Variants in ALK observed in about 807,000 individuals in gnomAD.
ALK encodes the protein ALK tyrosine kinase receptor.
Under a neutral mutation model 163.1 loss-of-function variants are expected in ALK, and 74 were observed. The observed-to-expected ratio is 0.45, with a 90% CI of 0.38 to 0.55. The LOEUF (loss-of-function observed/expected upper bound fraction) is 0.55. Ranked by LOEUF, ALK falls within the 20% of genes least tolerant of loss-of-function variation. ALK has a pLI of 0.00. For missense variants in ALK, 2,063 were observed against 2,105.3 expected, an observed-to-expected ratio of 0.98 and a Z score of 0.39; for synonymous variants, 960 against 843.2, an observed-to-expected ratio of 1.14 and a Z score of -2.40.
intron 4 of ALK, among the ~76,000 whole-genome samples, chr2:29,420,898 T>C (rs1425783337): frequency 6.6e-6 from 1 of 151,584 alleles, no homozygotes; most frequent in African/African-American, 2.4e-5. Flanking sequence ...ACCTTACTTT[T>C]GCTCGACATA....
chr2:29,196,663 A>C (rs1669030181), intron 28 of ALK, 107 bp downstream of exon 28: 1 of 856,478 alleles, frequency 1.2e-6, no homozygotes, highest in East Asian at 2.4e-5. Context: ...TTTTGATCAT[A>C]AATCTTGTAC....
intron 3 of ALK, among the ~76,000 whole-genome samples, chr2:29,653,886 A>G (rs1464417690): frequency 6.6e-6 from 1 of 151,992 alleles, no homozygotes; most frequent in African/African-American, 2.4e-5. Context: ...ACATGGCAAA[A>G]CCCTATCCCT....
intron 3 of ALK, among the ~76,000 whole-genome samples, chr2:29,631,630 A>T (rs1463508245): frequency 4.6e-5 from 7 of 152,244 alleles, no homozygotes; most frequent in East Asian, 1.9e-4. Flanking sequence ...CTGAAAAAAC[A>T]GTACCTGCCC....
chr2:29,531,338 C>T (rs1673112598), intron 4 of ALK, among the ~76,000 whole-genome samples: 2 of 152,080 alleles, frequency 1.3e-5, no homozygotes, highest in Admixed American at 1.3e-4. Context: ...CCTGATGGAT[C>T]ACTGAGTAAG....
chr2:29,701,290 C>T (rs1180676567), intron 2 of ALK, among the ~76,000 whole-genome samples: 2 of 152,184 alleles, frequency 1.3e-5, no homozygotes, highest in Admixed American at 6.5e-5. Context: ...TTTTCTAAAT[C>T]ACCTTGGGTC....
chr2:29,749,820 C>A (rs1239106817), intron 1 of ALK, among the ~76,000 whole-genome samples: 1 of 152,216 alleles, frequency 6.6e-6, no homozygotes, highest in East Asian at 1.9e-4. Flanking sequence ...CCAAATTTAT[C>A]AAGACAGGGA....
chr2:29,507,827 T>C (rs1425251711), intron 4 of ALK, among the ~76,000 whole-genome samples: 1 of 152,114 alleles, frequency 6.6e-6, no homozygotes, highest in East Asian at 1.9e-4. Flanking sequence ...GGCCATGATG[T>C]CAATGAGTTG....
At chr2:29,861,495 A>G (rs2148407015) in intron 1 of ALK, among the ~76,000 whole-genome samples, 1 of 152,318 alleles carries the variant, frequency 6.6e-6, no homozygotes, top group South Asian at 2.1e-4. Flanking sequence ...ACAGATTACT[A>G]TCAACAATCA....
At chr2:29,904,879 G>T (rs1252229420) in intron 1 of ALK, among the ~76,000 whole-genome samples, 1 of 152,194 alleles carries the variant, frequency 6.6e-6, no homozygotes, top group African/African-American at 2.4e-5. Context: ...TGAGTGTGAG[G>T]TTGAGTAGAG....
At chr2:29,224,693 A>C (rs1663892100) in intron 19 of ALK, 1 of 220,324 alleles carries the variant, frequency 4.5e-6, no homozygotes, top group African/African-American at 2.2e-5. Flanking sequence ...GGATCGAATG[A>C]ATTGAAATGT....
At position 29,721,032 on chromosome 2, in the gene ALK, G is replaced by C. The variant is rs763698458; in HGVS notation, c.668-3335C>G. Among the ~76,000 whole-genome samples, 3 of 152,196 alleles carry C rather than the reference G, an allele frequency of 2.0e-5. No individual in the cohort carries two copies. The South Asian group carries it at 6.2e-4, about 31-fold the overall frequency. On this transcript the variant is annotated intron_variant, in intron 1 of 28. Transcript: ENST00000389048. ...GGAGCAGGAGCTTCTAGGTGCCCAA[G>C]TGAGGCAGACAAGTGAAGGCCTGAA... is the stretch of plus-strand genomic sequence containing the variant.
intron 4 of ALK, among the ~76,000 whole-genome samples, chr2:29,405,317 A>G (rs1342277319): frequency 2.0e-5 from 3 of 152,224 alleles, no homozygotes; most frequent in African/African-American, 7.2e-5. Context: ...TCAATACAAC[A>G]GCAGCTGTCT....
chr2:29,482,614 ACGG>A (rs1220459643), intron 4 of ALK, among the ~76,000 whole-genome samples: 1 of 152,168 alleles, frequency 6.6e-6, no homozygotes, highest in African/African-American at 2.4e-5. Flanking sequence ...TCAGTTATTT[ACGG>A]CATGTATCCT....
rs1035231957 is a variant in ALK, at chr2:29,320,636, T to C, written c.1546+115A>G. 341 of 1,447,774 alleles carry C rather than the reference T, an allele frequency of 2.4e-4. 5 individuals are homozygous for C. The Admixed American group carries it at 5.6e-3, about 24-fold the overall frequency. 89.7% of individuals were successfully genotyped at this position (1,447,774 alleles called of 1,614,324 possible). ...GTGTGTGAACGCTCTAGGCAAGCTT[T>C]GGTCAGACACCCGAGCTTGCCCTGC... On this transcript the variant is annotated intron_variant, in intron 7 of 28. Transcript: ENST00000389048.
intron 4 of ALK, among the ~76,000 whole-genome samples, chr2:29,410,053 C>T (rs1173363508): frequency 6.6e-6 from 1 of 152,154 alleles, no homozygotes; most frequent in African/African-American, 2.4e-5. Flanking sequence ...TTAGAAGGTT[C>T]AGTCACGCAT....
At chr2:29,870,808 G>A (rs922835703) in intron 1 of ALK, among the ~76,000 whole-genome samples, 1 of 151,988 alleles carries the variant, frequency 6.6e-6, no homozygotes, top group African/African-American at 2.4e-5. Context: ...TTTTTGTTTT[G>A]GTCATTTTTT....
intron 1 of ALK, among the ~76,000 whole-genome samples, chr2:29,879,861 G>A (rs72794319): frequency 0.012 from 1,810 of 152,278 alleles, 24 homozygotes; most frequent in South Asian, 0.062. Flanking sequence ...TAACAAGGCC[G>A]AAACTTCATG....
chr2:29,770,900 GTC>G (rs1037531053), intron 1 of ALK, among the ~76,000 whole-genome samples: 28 of 150,682 alleles, frequency 1.9e-4, no homozygotes, highest in African/African-American at 6.8e-4. Flanking sequence ...CACACACACA[GTC>G]TCACACACAG....
intron 23 of ALK, among the ~76,000 whole-genome samples, chr2:29,215,462 G>T (rs1302144587): frequency 6.6e-6 from 1 of 152,154 alleles, no homozygotes; most frequent in Non-Finnish European, 1.5e-5. Flanking sequence ...ATGCCCCAGA[G>T]CACATACATG....
Sources: gnomAD v4.1 joint callset for allele counts (sites outside exome capture counted in the v4.1 genomes callset) on GRCh38, gnomAD v4.1.1 for gene constraint, MANE v1.5 for transcripts, NCBI Gene and HGNC (gene_info 2026-07-23, HGNC 2026-07-21) for gene names.